The following GRM7 variants were observed in gnomAD, a reference collection of about 807,000 sequenced individuals.
The protein encoded by GRM7 is glutamate metabotropic receptor 7, also known as metabotropic glutamate receptor 7.
Under a neutral mutation model 84.5 loss-of-function variants are expected in GRM7, and 35 were observed. That is an observed-to-expected ratio of 0.41 (90% CI 0.32 to 0.55). GRM7 has a LOEUF of 0.55. GRM7 is among the 20% of genes least tolerant of loss of function. The probability of loss-of-function intolerance (pLI) is 0.19; values close to 1 mark genes in which losing one functional copy is unlikely to be tolerated. For missense variants in GRM7, 1,003 were observed against 1,194.6 expected, an observed-to-expected ratio of 0.84 and a Z score of 2.36; for synonymous variants, 487 against 455.1, an observed-to-expected ratio of 1.07 and a Z score of -0.89.
intron 2 of GRM7, among the ~76,000 whole-genome samples, chr3:7,226,786 C>T (rs1696996678): frequency 6.6e-6 from 1 of 152,168 alleles, no homozygotes; most frequent in Admixed American, 6.6e-5. Context: ...TTTGAATGTA[C>T]TCATGCTGTG....
chr3:7,345,623 A>G (rs1397420945), intron 4 of GRM7, among the ~76,000 whole-genome samples: 1 of 152,088 alleles, frequency 6.6e-6, no homozygotes, highest in Admixed American at 6.6e-5. Context: ...CCCGGCAGAA[A>G]TTGTTTGCAG....
intron 9 of GRM7, chr3:7,681,593 G>A (rs1041442765): frequency 1.3e-5 from 2 of 152,166 alleles, no homozygotes; most frequent in Admixed American, 1.3e-4. Context: ...CAAGTCTAAA[G>A]GAACATACTG....
chr3:7,487,325 G>A (rs1044926428), intron 7 of GRM7, among the ~76,000 whole-genome samples: 9 of 152,150 alleles, frequency 5.9e-5, no homozygotes, highest in African/African-American at 9.6e-5. Context: ...TAGTAAAAAC[G>A]CATGTCCTGA....
At chr3:7,739,303 T>C (rs905590059) in intron 9 of GRM7, among the ~76,000 whole-genome samples, 14 of 152,190 alleles carry the variant, frequency 9.2e-5, no homozygotes, top group African/African-American at 3.4e-4. Flanking sequence ...TTAATATGAC[T>C]TCTCCGTTCC....
chr3:7,442,550 C>T (rs935574400), intron 5 of GRM7, among the ~76,000 whole-genome samples: 8 of 152,054 alleles, frequency 5.3e-5, no homozygotes, highest in Non-Finnish European at 1.2e-4. Flanking sequence ...CTTTCAAATT[C>T]TGAAGTGAGA....
At chr3:7,407,585 T>C (rs182150520) in intron 4 of GRM7, among the ~76,000 whole-genome samples, 2 of 150,962 alleles carry the variant, frequency 1.3e-5, no homozygotes, top group East Asian at 2.0e-4. Flanking sequence ...ATCTGTAAGG[T>C]ATCCTACTAT....
At chr3:6,868,299 G>T (rs1333183797) in intron 1 of GRM7, among the ~76,000 whole-genome samples, 1 of 152,138 alleles carries the variant, frequency 6.6e-6, no homozygotes, top group Non-Finnish European at 1.5e-5. Context: ...ATGCATAAAT[G>T]CTTAAAGTAA....
At chr3:7,469,286 A>T (rs1698597125) in intron 7 of GRM7, among the ~76,000 whole-genome samples, 1 of 152,232 alleles carries the variant, frequency 6.6e-6, no homozygotes, top group African/African-American at 2.4e-5. Flanking sequence ...TAGGTTCCTC[A>T]AGGGTTCCCT....
At chr3:7,692,228 C>T (rs1449768011) in intron 9 of GRM7, among the ~76,000 whole-genome samples, 2 of 152,250 alleles carry the variant, frequency 1.3e-5, no homozygotes, top group Non-Finnish European at 2.9e-5. Flanking sequence ...CTCATACCAC[C>T]TGATATATGA....
intron 7 of GRM7, among the ~76,000 whole-genome samples, chr3:7,480,393 A>G (rs535318391): frequency 2.0e-5 from 3 of 152,306 alleles, no homozygotes; most frequent in Non-Finnish European, 4.4e-5. Flanking sequence ...TGCAGAAGGG[A>G]AAGTTAGTTA....
intron 2 of GRM7, among the ~76,000 whole-genome samples, chr3:7,293,285 T>C (rs2125013749): frequency 1.3e-5 from 2 of 152,294 alleles, no homozygotes; most frequent in Middle Eastern, 6.8e-3. Flanking sequence ...GAGATTCTTC[T>C]TGTTGCTAAA....
At chr3:7,128,055 G>A (rs1377769516) in intron 1 of GRM7, among the ~76,000 whole-genome samples, 2 of 151,344 alleles carry the variant, frequency 1.3e-5, no homozygotes, top group Middle Eastern at 3.2e-3. Context: ...GACTAGAAGA[G>A]TTCAAAATTA....
At chr3:7,652,585 T>C (rs570960631) in intron 8 of GRM7, among the ~76,000 whole-genome samples, 1 of 152,236 alleles carries the variant, frequency 6.6e-6, no homozygotes, top group East Asian at 1.9e-4. Flanking sequence ...TTGTTAGCCA[T>C]CAGAAATCCT....
At chr3:7,324,836 T>A (rs1259570136) in intron 4 of GRM7, among the ~76,000 whole-genome samples, 1 of 152,206 alleles carries the variant, frequency 6.6e-6, no homozygotes, top group African/African-American at 2.4e-5. Context: ...GCAAATTCTC[T>A]TGTATCCAGC....
At chr3:6,936,403 A>C (rs1007617089) in intron 1 of GRM7, among the ~76,000 whole-genome samples, 2 of 152,136 alleles carry the variant, frequency 1.3e-5, no homozygotes, top group African/African-American at 4.8e-5. Context: ...GCACCACAGA[A>C]ACTTCTGTGT....
intron 1 of GRM7, among the ~76,000 whole-genome samples, chr3:7,140,182 C>T (rs1302840592): frequency 6.6e-6 from 1 of 151,634 alleles, no homozygotes; most frequent in Non-Finnish European, 1.5e-5. Context: ...TAGAGAAGGT[C>T]CCCCTTGAAT....
chr3:7,432,695 A>AAATGTGG (rs1696881186), intron 5 of GRM7, among the ~76,000 whole-genome samples: 1 of 152,204 alleles, frequency 6.6e-6, no homozygotes, highest in Non-Finnish European at 1.5e-5. Context: ...ATAGATGAAT[A>AAATGTGG]AATGTGGAAT....
chr3:6,886,931 T>C (rs1260865029), intron 1 of GRM7, among the ~76,000 whole-genome samples: 1 of 152,088 alleles, frequency 6.6e-6, no homozygotes, highest in South Asian at 2.1e-4. Flanking sequence ...ATCAGCAAGA[T>C]TGAGTACTTT....
chr3:7,069,211 G>T (rs542662152), intron 1 of GRM7, among the ~76,000 whole-genome samples: 2 of 152,050 alleles, frequency 1.3e-5, no homozygotes, highest in East Asian at 1.9e-4. Flanking sequence ...AAACACTCTG[G>T]GATAGTAGAA....
Sources: gnomAD v4.1 joint callset for allele counts (sites outside exome capture counted in the v4.1 genomes callset) on GRCh38, gnomAD v4.1.1 for gene constraint, MANE v1.5 for transcripts, NCBI Gene and HGNC (gene_info 2026-07-23, HGNC 2026-07-21) for gene names.